The following SNRK variants were observed in gnomAD, a reference collection of about 807,000 sequenced individuals.
SNRK encodes SNF related kinase.
Under a neutral mutation model 48.2 loss-of-function variants are expected in SNRK, and 3 were observed. The observed-to-expected ratio is 0.06, with a 90% CI of 0.03 to 0.16. SNRK has a LOEUF of 0.16. Among genes scored for constraint, SNRK ranks in the 10% least tolerant of loss-of-function variants. SNRK has a pLI of 1.00. For missense variants in SNRK, 627 were observed against 976.0 expected, an observed-to-expected ratio of 0.64 and a Z score of 4.76; for synonymous variants, 376 against 366.1, an observed-to-expected ratio of 1.03 and a Z score of -0.31.
chr3:43,293,823 G>A (rs191764640), intron 1 of SNRK, among the ~76,000 whole-genome samples: 221 of 152,198 alleles, frequency 1.5e-3, no homozygotes, highest in African/African-American at 3.6e-3. Flanking sequence ...GGAGGCTGAG[G>A]CAGGAGAATT....
chr3:43,291,371 A>T (rs2090811110), intron 1 of SNRK, among the ~76,000 whole-genome samples: 1 of 152,170 alleles, frequency 6.6e-6, no homozygotes. Flanking sequence ...AGAGACTGTG[A>T]ATAAGTTGAG....
intron 3 of SNRK, among the ~76,000 whole-genome samples, chr3:43,311,092 G>A (rs1011667855): frequency 6.6e-6 from 1 of 152,104 alleles, no homozygotes; most frequent in Non-Finnish European, 1.5e-5. Flanking sequence ...TATTTGTTAG[G>A]TTGTTAATAT....
intron 4 of SNRK, among the ~76,000 whole-genome samples, chr3:43,336,175 T>C (rs1001835689): frequency 6.6e-6 from 1 of 151,782 alleles, no homozygotes; most frequent in East Asian, 1.9e-4. Flanking sequence ...TTCCTTTCCC[T>C]TCCCCTTCAT....
intron 3 of SNRK, among the ~76,000 whole-genome samples, chr3:43,331,881 C>A (rs1344638734): frequency 2.0e-5 from 3 of 152,136 alleles, no homozygotes; most frequent in Non-Finnish European, 2.9e-5. Context: ...GGCTTGGGCA[C>A]CTGGATACTT....
chr3:43,331,565 C>G (rs2091146710), intron 3 of SNRK, among the ~76,000 whole-genome samples: 1 of 152,138 alleles, frequency 6.6e-6, no homozygotes, highest in South Asian at 2.1e-4. Flanking sequence ...TGAGTAGTTC[C>G]CCATTTTTTA....
At chr3:43,289,676 C>T (rs1395181931) in intron 1 of SNRK, 1 of 152,602 alleles carries the variant, frequency 6.6e-6, no homozygotes, top group Non-Finnish European at 1.5e-5. Flanking sequence ...AGGGAAGGAA[C>T]CTGTCTAAAG....
intron 3 of SNRK, among the ~76,000 whole-genome samples, chr3:43,320,609 A>G (rs1055597922): frequency 1.1e-4 from 16 of 152,324 alleles, no homozygotes; most frequent in South Asian, 2.1e-4. Context: ...TTGATTTACA[A>G]TGAGACGTAT....
intron 5 of SNRK, chr3:43,340,755 A>G (rs944219051): frequency 5.4e-5 from 26 of 481,264 alleles, no homozygotes; most frequent in Non-Finnish European, 8.7e-5. Context: ...TCCCCATTCT[A>G]TAGGGGTGGA....
intron 3 of SNRK, among the ~76,000 whole-genome samples, chr3:43,313,596 G>A (rs1402805411): frequency 2.6e-5 from 4 of 152,170 alleles, no homozygotes; most frequent in African/African-American, 9.7e-5. Context: ...TTGTGGTGAT[G>A]GAGCACTTCT....
At chr3:43,289,385 TCTTTC>T (rs2090791941) in intron 1 of SNRK, among the ~76,000 whole-genome samples, 1 of 152,192 alleles carries the variant, frequency 6.6e-6, no homozygotes, top group Non-Finnish European at 1.5e-5. Context: ...ATGCAACTGT[TCTTTC>T]CTTAAAGCAT....
intron 3 of SNRK, among the ~76,000 whole-genome samples, chr3:43,307,872 G>A (rs76091374): frequency 6.6e-6 from 1 of 152,314 alleles, no homozygotes; most frequent in East Asian, 1.9e-4. Context: ...ACATAGTGAG[G>A]CAAGATAGAC....
intron 3 of SNRK, among the ~76,000 whole-genome samples, chr3:43,304,018 G>C (rs995862149): frequency 6.6e-6 from 1 of 152,180 alleles, no homozygotes; most frequent in African/African-American, 2.4e-5. Context: ...AGGAAAATGA[G>C]TAAGTTATCA....
intron 3 of SNRK, among the ~76,000 whole-genome samples, chr3:43,322,879 G>A (rs1286195784): frequency 6.8e-6 from 1 of 146,972 alleles, no homozygotes; most frequent in Non-Finnish European, 1.5e-5. Flanking sequence ...GTGAACCCGG[G>A]AGGCGGAGCT....
At chr3:43,336,394 C>G (rs2091188974) in intron 4 of SNRK, among the ~76,000 whole-genome samples, 1 of 152,046 alleles carries the variant, frequency 6.6e-6, no homozygotes, top group Non-Finnish European at 1.5e-5. Flanking sequence ...GTGGTAAAAT[C>G]ATACATAGCT....
chr3:43,300,821 ATTTAAAAATCTTAATAG>A (rs779211962), intron 2 of SNRK, among the ~76,000 whole-genome samples: 13 of 152,212 alleles, frequency 8.5e-5, no homozygotes, highest in South Asian at 2.1e-4. Context: ...TCAGTTTCTT[ATTTAAAAATCTTAATAG>A]TTTAAAAATC....
At chr3:43,316,780 T>G (rs767255274) in intron 3 of SNRK, among the ~76,000 whole-genome samples, 6 of 150,260 alleles carry the variant, frequency 4.0e-5, no homozygotes, top group Non-Finnish European at 8.9e-5. Flanking sequence ...CCCACCCCCT[T>G]GGAAACTCCT....
intron 1 of SNRK, among the ~76,000 whole-genome samples, chr3:43,292,839 C>G (rs1297880612): frequency 6.6e-6 from 1 of 152,154 alleles, no homozygotes; most frequent in Non-Finnish European, 1.5e-5. Context: ...AATTATTTCT[C>G]TTTTTATATG....
At chr3:43,332,859 A>C (rs917514014) in intron 4 of SNRK, 1 of 152,224 alleles carries the variant, frequency 6.6e-6, no homozygotes, top group Non-Finnish European at 1.5e-5. Flanking sequence ...ATACTCAATT[A>C]TTTGGAATTT....
intron 1 of SNRK, among the ~76,000 whole-genome samples, chr3:43,298,295 G>A (rs555544451): frequency 1.3e-4 from 20 of 152,198 alleles, no homozygotes; most frequent in Non-Finnish European, 1.9e-4. Flanking sequence ...CTGTACTACC[G>A]CACTGCTTTG....
Sources: gnomAD v4.1 joint callset for allele counts (sites outside exome capture counted in the v4.1 genomes callset) on GRCh38, gnomAD v4.1.1 for gene constraint, MANE v1.5 for transcripts, NCBI Gene and HGNC (gene_info 2026-07-23, HGNC 2026-07-21) for gene names.